HTRA3: variants seen among roughly 807,000 people sequenced by gnomAD.
The protein encoded by HTRA3 is serine protease HTRA3.
In HTRA3, 41 loss-of-function variants were observed where a neutral mutation model predicts 43.2. That is an observed-to-expected ratio of 0.95 (90% CI 0.74 to 1.23). HTRA3 has a LOEUF of 1.23. Among genes scored for constraint, HTRA3 ranks in the 50% most tolerant of loss-of-function variants. The pLI, the probability that HTRA3 is intolerant of heterozygous loss-of-function variation, is 0.00. For missense variants in HTRA3, 628 were observed against 647.1 expected (o/e 0.97, Z 0.32); for synonymous variants, 295 against 287.9 (o/e 1.02, Z -0.25).
intron 1 of HTRA3, among the ~76,000 whole-genome samples, chr4:8,280,008 TGGGGCTGCTGC>T: frequency 6.6e-6 from 1 of 152,108 alleles, no homozygotes; most frequent in Admixed American, 6.5e-5. Context: ...TCGGTACAAC[TGGGGCTGCTGC>T]GGGGCTGCCT....
intron 3 of HTRA3, among the ~76,000 whole-genome samples, chr4:8,288,121 G>A (rs1713068339): frequency 6.6e-6 from 1 of 152,234 alleles, no homozygotes; most frequent in African/African-American, 2.4e-5. Flanking sequence ...TCAAGGGAGA[G>A]GAGATTTAAT....
At position 8,279,011 on chromosome 4, in the gene HTRA3, C is replaced by G. The variant is rs1443787416; in HGVS notation, c.386-3426C>G. On this transcript the variant is annotated intron_variant, in intron 1 of 8. Transcript: ENST00000307358. This position sits in a 1 kb window ranked among gnomAD's most constrained non-coding sequence, Gnocchi z 7.4. Reference sequence around the variant, plus strand: ...CCTCCTCTCTCCGCCCCTCCTCCCCCTCCATCCCTTCCCTCTGAAATGTCT... The same window carrying G: ...CCTCCTCTCTCCGCCCCTCCTCCCCGTCCATCCCTTCCCTCTGAAATGTCT... Among the ~76,000 whole-genome samples, 1 of 152,184 alleles carries G rather than the reference C, an allele frequency of 6.6e-6. No homozygotes were observed. Among genetic ancestry groups the G allele is most frequent in the Non-Finnish European group, 1.5e-5 (1 of 68,032 alleles).
chr4:8,285,836 G>A (rs7690786), intron 2 of HTRA3, among the ~76,000 whole-genome samples: 92,457 of 152,160 alleles, frequency 0.61, 28,670 homozygotes, highest in East Asian at 0.82. Flanking sequence ...TCCAGGGCTC[G>A]GGTCCTGCAT....
chr4:8,294,075 C>T lies in HTRA3; in HGVS notation c.937-12C>T. On this transcript the variant is annotated splice_polypyrimidine_tract_variant and intron_variant, in intron 5 of 8. Transcript: ENST00000307358. ...TCCCCCAACTGATGCCTGCTCTTAC[C>T]TCCCTGCCCAGGATGGCGAGGTCAT... 1 of 1,592,134 alleles carries T rather than the reference C, an allele frequency of 6.3e-7. No homozygotes were observed. The highest frequency in any genetic ancestry group is 8.6e-7 in the Non-Finnish European group (1 of 1,166,408).
Position 8,295,951 on chromosome 4 carries a change from A to G in HTRA3, c.1051+1750A>G. ...TCTCTTGAACAGTGGGGACCATCTA[A>G]TCTCTTGAGCCCTTTTCCTGTTGGC... On this transcript the variant is annotated intron_variant, in intron 6 of 8. Transcript: ENST00000307358. This position sits in a 1 kb window ranked among gnomAD's most constrained non-coding sequence, Gnocchi z 6.9. The G allele has an allele frequency of 8.2e-7, 1 of 1,218,844 alleles. No homozygotes were observed. Among genetic ancestry groups the G allele is most frequent in the Admixed American group, 4.3e-5 (1 of 23,350 alleles). The allele number at this position is 1,218,844 out of a possible 1,614,324, so 75.5% of individuals were successfully genotyped here. A position where few individuals can be genotyped will look rare whatever the true frequency, so the allele number is the denominator to read the frequency against.
intron 6 of HTRA3, among the ~76,000 whole-genome samples, chr4:8,298,038 G>A (rs1048643999): frequency 6.6e-6 from 1 of 152,148 alleles, no homozygotes. Flanking sequence ...CCCGGGCCTC[G>A]TCGCCGCTCC....
At chr4:8,281,166 T>C (rs1376008129) in intron 1 of HTRA3, among the ~76,000 whole-genome samples, 1 of 152,154 alleles carries the variant, frequency 6.6e-6, no homozygotes, top group Admixed American at 6.5e-5. Context: ...CCTGTGATGA[T>C]TCCTAGAGCA....
Position 8,306,310 on chromosome 4 carries a change from G to A in HTRA3, c.*174G>A, listed in dbSNP as rs915967940. The A allele has an allele frequency of 1.3e-5, 8 of 624,422 alleles. No homozygotes were observed. The highest frequency in any genetic ancestry group is 1.0e-4 in the Admixed American group (3 of 29,588). The allele number at this position is 624,422 out of a possible 1,614,324, so 38.7% of individuals were successfully genotyped here. On this transcript the variant is annotated 3_prime_UTR_variant, in exon 9 of 9. Transcript: ENST00000307358. This position sits in a 1 kb window ranked among gnomAD's most constrained non-coding sequence, Gnocchi z 8.9. ...GCCAGGGGCCCGAATTTCCGCCTGG[G>A]GAGTGTTGGATCCACATCCCGGTGC... is the stretch of plus-strand genomic sequence containing the variant.
Position 8,306,291 on chromosome 4 carries a change from G to T in HTRA3, c.*155G>T. 1.3e-6 allele frequency: 1 copy of T among 781,008 alleles called. No individual in the cohort carries two copies. Among genetic ancestry groups the T allele is most frequent in the Non-Finnish European group, 1.9e-6 (1 of 519,980 alleles). The allele number at this position is 781,008 out of a possible 1,614,324, so 48.4% of individuals were successfully genotyped here. ...AGAGCGGAGGCTGGGCTTGGCCAGGGGCCCGAATTTCCGCCTGGGGAGTGT... is the reference window on the plus strand; with the variant it reads ...AGAGCGGAGGCTGGGCTTGGCCAGGTGCCCGAATTTCCGCCTGGGGAGTGT... On this transcript the variant is annotated 3_prime_UTR_variant, in exon 9 of 9. Transcript: ENST00000307358. The surrounding 1 kb of genome is among the most constrained non-coding windows in gnomAD (Gnocchi z 8.9).
At chr4:8,273,888 C>T (rs58116382) in intron 1 of HTRA3, among the ~76,000 whole-genome samples, 6,160 of 145,390 alleles carry the variant, frequency 0.042, 505 homozygotes, top group African/African-American at 0.16. Context: ...CTCCACCCCT[C>T]ATTCCTCTCT....
chr4:8,270,269 TGCGCGCTGCAGGCGGCCAGCCGCC>T lies in HTRA3; in HGVS notation c.313_336del (p.Ala105_Gln112del), dbSNP rs753914889. 5.5e-4 allele frequency: 828 copies of T among 1,502,022 alleles called. No homozygotes were observed. Among genetic ancestry groups the T allele is most frequent in the Non-Finnish European group, 6.7e-4 (760 of 1,133,144 alleles). 93.0% of individuals were successfully genotyped at this position (1,502,022 alleles called of 1,614,324 possible). ...CGACGGGCACACCTATGCCAACGTG[TGCGCGCTGCAGGCGGCCAGCCGCC>T]GCGCGCTGCAGCTCTCCGGGACGCC... On this transcript the variant is annotated inframe_deletion, in exon 1 of 9. Coordinates refer to ENST00000307358, the MANE Select transcript of HTRA3 (RefSeq NM_053044.5).
Position 8,306,119 on chromosome 4 carries a change from C to G in HTRA3, c.1345C>G (p.Pro449Ala). ...CGACGACCTCCTCTTCAGCATCGCA[C>G]CTGAGGTGGTCATGTGAGGGGCGCA... ...GNDDLLFSIAPEVVM is the reference protein window; with the variant it reads ...GNDDLLFSIAAEVVM The change falls in exon 9 of 9, where the codon CCT becomes GCT. Residue 449 changes from proline to alanine, a missense_variant. By Grantham distance (27) the Pro-to-Ala change is conservative. Coordinates refer to ENST00000307358, the MANE Select transcript of HTRA3 (RefSeq NM_053044.5). The surrounding 1 kb of genome is among the most constrained non-coding windows in gnomAD (Gnocchi z 8.9). 6.3e-7 allele frequency: 1 copy of G among 1,589,312 alleles called. No homozygotes were observed.
chr4:8,302,557 C>G, intron 7 of HTRA3, 46 bp downstream of exon 7: 2 of 1,586,668 alleles, frequency 1.3e-6, no homozygotes, highest in Non-Finnish European at 1.7e-6. Context: ...TTCCTCTCAT[C>G]CCTCACCCTG....
chr4:8,299,925 T>C (rs1370596954), intron 6 of HTRA3, among the ~76,000 whole-genome samples: 1 of 151,026 alleles, frequency 6.6e-6, no homozygotes, highest in African/African-American at 2.4e-5. Flanking sequence ...CTGCAACCTC[T>C]ACCTCCCAGG....
intron 6 of HTRA3, among the ~76,000 whole-genome samples, chr4:8,301,148 ACT>A (rs561354285): frequency 1.3e-3 from 92 of 68,664 alleles, no homozygotes; most frequent in African/African-American, 5.6e-3. Flanking sequence ...TTAGATTCAC[ACT>A]CTTTATTGAC....
Position 8,270,228 on chromosome 4 carries a change from A to G in HTRA3, c.260A>G (p.His87Arg). ...GGCCTATGCCGCTGCCGCTGGTCGC[A>G]CGCCGTGTGTGGCACCGACGGGCAC... Reference protein sequence around the residue: ...VRGLCRCRWSHAVCGTDGHTY... With the variant: ...VRGLCRCRWSRAVCGTDGHTY... The change falls in exon 1 of 9, where the codon CAC (histidine) becomes CGC (arginine). Residue 87 changes from histidine to arginine, a missense_variant. Coordinates refer to ENST00000307358, the MANE Select transcript of HTRA3 (RefSeq NM_053044.5). The G allele has an allele frequency of 3.3e-6, 5 of 1,534,928 alleles. No homozygotes were observed. In the South Asian group the frequency reaches 3.6e-5, roughly 11 times the overall value.
At chr4:8,289,431 C>A (rs907425962) in intron 3 of HTRA3, among the ~76,000 whole-genome samples, 2 of 152,204 alleles carry the variant, frequency 1.3e-5, no homozygotes, top group Non-Finnish European at 2.9e-5. Flanking sequence ...GGGCCTTGGG[C>A]CAGTTTGCAA....
chr4:8,304,086 C>T (rs1212193510), intron 7 of HTRA3, 98 bp from the exon 8 acceptor site: 10 of 921,980 alleles, frequency 1.1e-5, no homozygotes, highest in Non-Finnish European at 1.5e-5. Flanking sequence ...GAGGTGGCTC[C>T]TCTTCTGGTC....
At chr4:8,285,238 A>G (rs997525611) in intron 2 of HTRA3, among the ~76,000 whole-genome samples, 2 of 152,202 alleles carry the variant, frequency 1.3e-5, no homozygotes, top group African/African-American at 4.8e-5. Context: ...TCACAGTCAC[A>G]TGGGGTTAGG....
Sources: gnomAD v4.1 joint callset for allele counts (sites outside exome capture counted in the v4.1 genomes callset) on GRCh38, gnomAD v4.1.1 for gene constraint, Gnocchi (gnomAD v3.1) non-coding constraint, MANE v1.5 for transcripts, NCBI Gene and HGNC (gene_info 2026-07-23, HGNC 2026-07-21) for gene names.